The following ENTHD1 variants were observed in gnomAD, a reference collection of about 807,000 sequenced individuals.
ENTHD1 encodes the protein ENTH domain containing 1, also known as ENTH domain-containing protein 1.
A neutral mutation model predicts 39.1 loss-of-function variants in ENTHD1; 23 were observed. The ratio of observed to expected loss-of-function variants is 0.59; its 90% CI spans 0.42 to 0.83. ENTHD1 has a LOEUF of 0.83. Among genes scored for constraint, ENTHD1 ranks in the 40% least tolerant of loss-of-function variants. The pLI is 0.00. For synonymous variants in ENTHD1, 230 were observed against 258.2 expected (o/e 0.89, Z 1.05); for missense variants, 624 against 705.4 (o/e 0.88, Z 1.31).
intron 5 of ENTHD1, among the ~76,000 whole-genome samples, chr22:39,809,826 T>C (rs2065671858): frequency 1.3e-5 from 2 of 152,188 alleles, no homozygotes; most frequent in South Asian, 2.1e-4. Flanking sequence ...CAAATAGCAG[T>C]GCTTAACTCT....
At chr22:39,870,418 G>C (rs137944) in intron 2 of ENTHD1, among the ~76,000 whole-genome samples, 167 of 152,076 alleles carry the variant, frequency 1.1e-3, no homozygotes, top group Non-Finnish European at 2.1e-3. Context: ...CCTAATATTC[G>C]TCTAGAGGAA....
intron 2 of ENTHD1, among the ~76,000 whole-genome samples, chr22:39,882,743 A>T (rs775448031): frequency 7.9e-5 from 12 of 152,120 alleles, no homozygotes; most frequent in Non-Finnish European, 1.6e-4. Flanking sequence ...GGTGGCTCAC[A>T]CCTGTAATCC....
chr22:39,804,699 C>T (rs1469706265), intron 5 of ENTHD1, among the ~76,000 whole-genome samples: 1 of 152,140 alleles, frequency 6.6e-6, no homozygotes, highest in East Asian at 1.9e-4. Flanking sequence ...CATGGTCTCC[C>T]TCCCCACAAC....
intron 3 of ENTHD1, among the ~76,000 whole-genome samples, chr22:39,838,447 C>T (rs2065921584): frequency 6.6e-6 from 1 of 152,000 alleles, no homozygotes; most frequent in Admixed American, 6.6e-5. Context: ...AATTGACTGA[C>T]ACTATTATAA....
At chr22:39,880,331 G>GA (rs943721682) in intron 2 of ENTHD1, among the ~76,000 whole-genome samples, 1 of 152,100 alleles carries the variant, frequency 6.6e-6, no homozygotes, top group African/African-American at 2.4e-5. Flanking sequence ...AAGGAGGGAG[G>GA]AAAAAATAAG....
At chr22:39,747,684 G>A (rs1020900160) in intron 6 of ENTHD1, among the ~76,000 whole-genome samples, 1 of 151,974 alleles carries the variant, frequency 6.6e-6, no homozygotes, top group African/African-American at 2.4e-5. Context: ...CTAATTATTT[G>A]AAGACAATCA....
intron 3 of ENTHD1, among the ~76,000 whole-genome samples, chr22:39,853,188 AATT>A (rs1426485194): frequency 6.6e-6 from 1 of 152,196 alleles, no homozygotes; most frequent in Non-Finnish European, 1.5e-5. Flanking sequence ...TAATGAAACC[AATT>A]TTACCATAGG....
intron 3 of ENTHD1, among the ~76,000 whole-genome samples, chr22:39,851,965 A>C (rs1257672744): frequency 6.6e-6 from 1 of 152,190 alleles, no homozygotes; most frequent in East Asian, 1.9e-4. Flanking sequence ...TTACTAAAAA[A>C]CAGCATATAA....
At chr22:39,878,907 C>A (rs1469749055) in intron 2 of ENTHD1, among the ~76,000 whole-genome samples, 1 of 151,746 alleles carries the variant, frequency 6.6e-6, no homozygotes, top group African/African-American at 2.4e-5. Context: ...AAGAAGAAAT[C>A]AGAATTATTT....
At chr22:39,796,276 T>C (rs1173037040) in intron 5 of ENTHD1, among the ~76,000 whole-genome samples, 3 of 152,172 alleles carry the variant, frequency 2.0e-5, no homozygotes, top group African/African-American at 7.2e-5. Flanking sequence ...TCTTTTCTTT[T>C]CTTTTTCCTT....
At chr22:39,744,622 G>C (rs933721671) in intron 6 of ENTHD1, among the ~76,000 whole-genome samples, 2 of 152,136 alleles carry the variant, frequency 1.3e-5, no homozygotes, top group Admixed American at 6.5e-5. Context: ...CCATTCTACT[G>C]ACTGCCAGCA....
chr22:39,841,277 T>C (rs2065942488), intron 3 of ENTHD1, among the ~76,000 whole-genome samples: 1 of 152,148 alleles, frequency 6.6e-6, no homozygotes, highest in Admixed American at 6.5e-5. Context: ...GAAAAGCCAT[T>C]GTAGGTTGGG....
chr22:39,753,506 T>C (rs1055907442), intron 6 of ENTHD1, among the ~76,000 whole-genome samples: 2 of 152,224 alleles, frequency 1.3e-5, no homozygotes, highest in African/African-American at 4.8e-5. Context: ...GCCTTCACTT[T>C]CCTGATAGTT....
At chr22:39,794,126 C>T (rs749585111) in intron 5 of ENTHD1, among the ~76,000 whole-genome samples, 6 of 152,174 alleles carry the variant, frequency 3.9e-5, no homozygotes, top group Non-Finnish European at 7.4e-5. Flanking sequence ...GTGTCCTCTT[C>T]AACTTCTTTC....
chr22:39,783,846 T>C (rs1375976543), intron 5 of ENTHD1, among the ~76,000 whole-genome samples: 1 of 152,144 alleles, frequency 6.6e-6, no homozygotes, highest in Non-Finnish European at 1.5e-5. Context: ...GGGCAAAGAT[T>C]TTTTGTGTTA....
chr22:39,743,548 C>A lies in ENTHD1; in HGVS notation c.*131G>T. 1 of 1,079,088 alleles carries A rather than the reference C, an allele frequency of 9.3e-7. No homozygotes were observed. Among genetic ancestry groups the A allele is most frequent in the Non-Finnish European group, 1.3e-6 (1 of 783,586 alleles). The allele number at this position is 1,079,088 out of a possible 1,614,324, so 66.8% of individuals were successfully genotyped here. A position where few individuals can be genotyped will look rare whatever the true frequency, so the allele number is the denominator to read the frequency against. ...AAAGTATTAGTTTGAAAGATACTTGCTAATAAACCTGACAAGGAAAAATTA... is the reference window on the plus strand; with the variant it reads ...AAAGTATTAGTTTGAAAGATACTTGATAATAAACCTGACAAGGAAAAATTA... On this transcript the variant is annotated 3_prime_UTR_variant, in exon 7 of 7. Coordinates refer to ENST00000325157, the MANE Select transcript of ENTHD1 (RefSeq NM_152512.4).
chr22:39,874,483 T>A (rs1601661119), intron 2 of ENTHD1: 1 of 152,136 alleles, frequency 6.6e-6, no homozygotes, highest in South Asian at 2.1e-4. Context: ...GGAAAAGGAC[T>A]CCTGCCTAGC....
chr22:39,885,245 T>C (rs573424968), intron 2 of ENTHD1, among the ~76,000 whole-genome samples: 26 of 152,340 alleles, frequency 1.7e-4, no homozygotes, highest in African/African-American at 5.8e-4. Context: ...CATGAAAAGA[T>C]GTTCAGCATC....
intron 5 of ENTHD1, among the ~76,000 whole-genome samples, chr22:39,790,839 G>T (rs1414402589): frequency 6.6e-6 from 1 of 152,232 alleles, no homozygotes; most frequent in Non-Finnish European, 1.5e-5. Flanking sequence ...CCACAAGGGA[G>T]TTGGGTGAAG....
Sources: gnomAD v4.1 joint callset for allele counts (sites outside exome capture counted in the v4.1 genomes callset) on GRCh38, gnomAD v4.1.1 for gene constraint, MANE v1.5 for transcripts, NCBI Gene and HGNC (gene_info 2026-07-23, HGNC 2026-07-21) for gene names.